FCHO2: variants seen among roughly 807,000 people sequenced by gnomAD.
The protein encoded by FCHO2 is FCH and mu domain containing endocytic adaptor 2.
A neutral mutation model predicts 114.1 loss-of-function variants in FCHO2; 43 were observed. That is an observed-to-expected ratio of 0.38 (90% CI 0.30 to 0.49). The LOEUF is 0.49. Among genes scored for constraint, FCHO2 ranks in the 20% least tolerant of loss-of-function variants. FCHO2 has a pLI of 0.97. For synonymous variants in FCHO2, 293 were observed against 315.2 expected (o/e 0.93, Z 0.75); for missense variants, 807 against 950.4 (o/e 0.85, Z 1.98).
At chr5:73,027,009 TG>T (rs1341936319) in intron 8 of FCHO2, among the ~76,000 whole-genome samples, 1 of 139,314 alleles carries the variant, frequency 7.2e-6, no homozygotes, top group African/African-American at 2.7e-5. Flanking sequence ...GTTTTTTTTT[TG>T]TTTGTTTGTT....
chr5:72,975,556 G>A (rs564682492), intron 2 of FCHO2, among the ~76,000 whole-genome samples: 1 of 152,272 alleles, frequency 6.6e-6, no homozygotes, highest in Non-Finnish European at 1.5e-5. Context: ...CCAGGCTGGA[G>A]TGCAGAGGTG....
At chr5:73,026,286 G>A (rs1755912221) in intron 8 of FCHO2, among the ~76,000 whole-genome samples, 1 of 152,034 alleles carries the variant, frequency 6.6e-6, no homozygotes, top group Non-Finnish European at 1.5e-5. Flanking sequence ...CCTGGACAAT[G>A]TGGTGAAACC....
rs1315135948 is a variant in FCHO2 at position 72,997,442 on chromosome 5, G to T, written c.495+6578G>T. On this transcript the variant is annotated intron_variant, in intron 5 of 25. Coordinates refer to ENST00000430046, the MANE Select transcript of FCHO2 (RefSeq NM_138782.3). Reference sequence around the variant, plus strand: ...CAAGGACCTCTCTTTGGTCCACAGTGACCTCTCCAGCATTGTGATCCTGGC... The same window carrying T: ...CAAGGACCTCTCTTTGGTCCACAGTTACCTCTCCAGCATTGTGATCCTGGC... The T allele has an allele frequency of 6.3e-6, 10 of 1,598,956 alleles. No homozygotes were observed. In the East Asian group the frequency reaches 2.2e-4, roughly 36 times the overall value.
chr5:72,958,820 TG>T (rs1315886525), intron 1 of FCHO2, among the ~76,000 whole-genome samples: 1 of 152,250 alleles, frequency 6.6e-6, no homozygotes, highest in African/African-American at 2.4e-5. Flanking sequence ...GATGCATGAA[TG>T]TTTTTTAAGT....
chr5:72,992,760 G>C (rs1320052614), intron 5 of FCHO2, among the ~76,000 whole-genome samples: 1 of 152,142 alleles, frequency 6.6e-6, no homozygotes, highest in Non-Finnish European at 1.5e-5. Flanking sequence ...TTGCAGGGAA[G>C]TAATTAAAAA....
chr5:72,959,810 C>T (rs1232377315), intron 1 of FCHO2, among the ~76,000 whole-genome samples: 1 of 149,428 alleles, frequency 6.7e-6, no homozygotes, highest in African/African-American at 2.5e-5. Flanking sequence ...ATTGCAGTCT[C>T]ACCGTGTTGC....
intron 11 of FCHO2, among the ~76,000 whole-genome samples, chr5:73,044,630 A>G (rs931512372): frequency 1.3e-5 from 2 of 152,102 alleles, no homozygotes; most frequent in Admixed American, 6.5e-5. Flanking sequence ...TAGCAACTGC[A>G]TCTTTTGAAA....
intron 2 of FCHO2, among the ~76,000 whole-genome samples, chr5:72,972,608 C>T (rs1232361540): frequency 6.6e-6 from 1 of 152,298 alleles, no homozygotes; most frequent in Non-Finnish European, 1.5e-5. Flanking sequence ...TGGGCTGAGA[C>T]AATGGGGTTT....
chr5:73,017,246 C>G lies in FCHO2; in HGVS notation c.734C>G (p.Thr245Ser), dbSNP rs750452352. 4.4e-5 allele frequency: 68 copies of G among 1,558,880 alleles called. No homozygotes were observed. The highest frequency in any genetic ancestry group is 5.8e-5 in the Non-Finnish European group (67 of 1,150,754). The change falls in exon 8 of 26, where the codon ACT becomes AGT. Residue 245 changes from threonine to serine, a missense_variant. Coordinates refer to ENST00000430046, the MANE Select transcript of FCHO2 (RefSeq NM_138782.3). ...HEEFINNMAN[T>S]TVESLIQKFA... is the part of the protein sequence containing the mutation. Reference sequence around the variant, plus strand: ...GAATTTATAAATAACATGGCTAATACTACAGTTGAAAGTTTGATACAAAAA... The same window carrying G: ...GAATTTATAAATAACATGGCTAATAGTACAGTTGAAAGTTTGATACAAAAA...
At chr5:73,053,915 TATTA>T (rs201806853) in intron 13 of FCHO2, among the ~76,000 whole-genome samples, 1,657 of 152,288 alleles carry the variant, frequency 0.011, 26 homozygotes, top group Middle Eastern at 0.037. Flanking sequence ...AATGAACATG[TATTA>T]ATTTCATACT....
chr5:73,040,889 G>A (rs1044794977), intron 10 of FCHO2, among the ~76,000 whole-genome samples: 1 of 151,938 alleles, frequency 6.6e-6, no homozygotes, highest in African/African-American at 2.4e-5. Context: ...CTTCTTTAAG[G>A]ACATTTTTTT....
At chr5:73,087,781 A>C in intron 25 of FCHO2, 28 bp downstream of exon 25, 5 of 1,540,018 alleles carry the variant, frequency 3.2e-6, no homozygotes, top group Non-Finnish European at 4.4e-6. Context: ...AAACTTTTTA[A>C]TGTACATGGG....
intron 17 of FCHO2, among the ~76,000 whole-genome samples, chr5:73,063,564 T>C (rs1162601441): frequency 6.6e-6 from 1 of 152,118 alleles, no homozygotes; most frequent in Non-Finnish European, 1.5e-5. Context: ...ATGTATCAGA[T>C]TTAATTTTTA....
chr5:73,034,586 TA>T lies in FCHO2; in HGVS notation c.797-62del, dbSNP rs956556626. 654 of 1,209,602 alleles carry T rather than the reference TA, an allele frequency of 5.4e-4. 1 individual carries two copies. The highest frequency in any genetic ancestry group is 5.9e-4 in the Admixed American group (25 of 42,142). 74.9% of individuals were successfully genotyped at this position (1,209,602 alleles called of 1,614,324 possible). A position where few individuals can be genotyped will look rare whatever the true frequency, so the allele number is the denominator to read the frequency against. On this transcript the variant is annotated intron_variant, in intron 8 of 25. Coordinates refer to ENST00000430046, the MANE Select transcript of FCHO2 (RefSeq NM_138782.3). ...AAAGTAGAATAAAAAATTTAAAATG[TA>T]AAAAAAAAGTTTTAAAATTTACCTA...
chr5:72,992,422 T>C (rs1324298108), intron 5 of FCHO2, among the ~76,000 whole-genome samples: 2 of 152,196 alleles, frequency 1.3e-5, no homozygotes, highest in East Asian at 3.8e-4. Flanking sequence ...TTTATCTCTG[T>C]GGGCCAGAAT....
At chr5:72,979,374 A>ATTT (rs1753056004) in intron 2 of FCHO2, among the ~76,000 whole-genome samples, 2 of 66,604 alleles carry the variant, frequency 3.0e-5, no homozygotes, top group Non-Finnish European at 6.4e-5. Context: ...GAATTTATCA[A>ATTT]TTTCTTTTTT....
chr5:73,052,578 A>T, intron 13 of FCHO2, 71 bp downstream of exon 13: 1 of 1,214,464 alleles, frequency 8.2e-7, no homozygotes, highest in Non-Finnish European at 1.1e-6. Context: ...GTCTGGTCAA[A>T]CATTACTTAG....
intron 2 of FCHO2, among the ~76,000 whole-genome samples, chr5:72,986,438 C>T (rs115434453): frequency 1.3e-5 from 2 of 152,256 alleles, no homozygotes; most frequent in African/African-American, 4.8e-5. Flanking sequence ...TGTTTCACTT[C>T]TCAACTGATC....
At chr5:73,032,271 G>T (rs1225221854) in intron 8 of FCHO2, among the ~76,000 whole-genome samples, 1 of 152,160 alleles carries the variant, frequency 6.6e-6, no homozygotes, top group Non-Finnish European at 1.5e-5. Flanking sequence ...TATTATGCCA[G>T]AAATCATTAT....
Sources: allele counts gnomAD v4.1 joint callset (sites outside exome capture counted in the v4.1 genomes callset), GRCh38; gene constraint gnomAD v4.1.1; transcripts MANE v1.5; gene names NCBI Gene and HGNC (gene_info 2026-07-23, HGNC 2026-07-21).